The following COL24A1 variants were observed in gnomAD, a reference collection of about 807,000 sequenced individuals.
COL24A1 encodes the protein collagen type XXIV alpha 1 chain.
COL24A1 carries 224 observed loss-of-function variants against 253.9 expected under a neutral mutation model. That is an observed-to-expected ratio of 0.88 (90% CI 0.79 to 0.99). The LOEUF (loss-of-function observed/expected upper bound fraction) is 0.99. Among genes scored for constraint, COL24A1 ranks in the 50% least tolerant of loss-of-function variants. The pLI, the probability that COL24A1 is intolerant of heterozygous loss-of-function variation, is 0.00. For synonymous variants in COL24A1, 685 were observed against 673.7 expected (o/e 1.02, Z -0.26); for missense variants, 2,131 against 2,068.5 (o/e 1.03, Z -0.59).
chr1:85,796,906 A>G (rs1017968885), intron 47 of COL24A1, among the ~76,000 whole-genome samples: 1 of 152,110 alleles, frequency 6.6e-6, no homozygotes, highest in African/African-American at 2.4e-5. Flanking sequence ...TATGCAAAGA[A>G]CATTCAATTC....
intron 10 of COL24A1, among the ~76,000 whole-genome samples, chr1:86,050,534 G>A (rs1237257447): frequency 1.3e-5 from 2 of 152,066 alleles, no homozygotes; most frequent in Non-Finnish European, 2.9e-5. Context: ...GTACAGTGGA[G>A]GAAGAGATAC....
intron 51 of COL24A1, among the ~76,000 whole-genome samples, chr1:85,783,191 G>A (rs540504637): frequency 9.2e-5 from 14 of 152,098 alleles, no homozygotes; most frequent in African/African-American, 1.9e-4. Context: ...TGCTTATAAC[G>A]TGAAATTGCT....
chr1:85,955,036 C>T (rs965420977), intron 24 of COL24A1, among the ~76,000 whole-genome samples: 1 of 152,186 alleles, frequency 6.6e-6, no homozygotes. Flanking sequence ...GAGGGCTCCA[C>T]CCTCAGGCCT....
At chr1:86,134,133 G>A (rs1297082475) in intron 2 of COL24A1, among the ~76,000 whole-genome samples, 4 of 152,106 alleles carry the variant, frequency 2.6e-5, no homozygotes, top group African/African-American at 9.6e-5. Context: ...TAGTTTATAT[G>A]GGTAGAGGTG....
intron 53 of COL24A1, among the ~76,000 whole-genome samples, chr1:85,775,083 T>C (rs1000082988): frequency 3.3e-5 from 5 of 152,240 alleles, no homozygotes; most frequent in Admixed American, 6.5e-5. Context: ...TTTGTTCTCA[T>C]TGGTTTCAAA....
chr1:86,089,341 C>T lies in COL24A1; in HGVS notation c.1654-114G>A. The T allele has an allele frequency of 6.2e-6, 5 of 809,198 alleles. No homozygotes were observed. In the African/African-American group the frequency reaches 7.2e-5, roughly 12 times the overall value. 50.1% of individuals were successfully genotyped at this position (809,198 alleles called of 1,614,324 possible). A position where few individuals can be genotyped will look rare whatever the true frequency, so the allele number is the denominator to read the frequency against. On this transcript the variant is annotated intron_variant, in intron 6 of 59. Transcript: ENST00000370571. ...CATCAGCTCTTATTACAATCATTTC[C>T]AATCTTCACAATCTTTGAGCCTGTT...
chr1:85,815,880 A>G (rs1672999643), intron 47 of COL24A1, among the ~76,000 whole-genome samples: 1 of 152,232 alleles, frequency 6.6e-6, no homozygotes, highest in Admixed American at 6.5e-5. Context: ...TTAGGGAAGG[A>G]AAGCGGGAAA....
intron 47 of COL24A1, among the ~76,000 whole-genome samples, chr1:85,811,649 T>A (rs1672553482): frequency 6.6e-6 from 1 of 152,226 alleles, no homozygotes; most frequent in African/African-American, 2.4e-5. Context: ...TATAATAGCA[T>A]CCTAACATGT....
At chr1:86,042,438 G>T (rs1030398512) in intron 12 of COL24A1, among the ~76,000 whole-genome samples, 2 of 151,832 alleles carry the variant, frequency 1.3e-5, no homozygotes, top group South Asian at 4.2e-4. Context: ...TGGGAAAAAA[G>T]AATTTTCTGG....
At chr1:86,114,357 T>C (rs768442747) in intron 4 of COL24A1, among the ~76,000 whole-genome samples, 5 of 152,214 alleles carry the variant, frequency 3.3e-5, no homozygotes, top group Non-Finnish European at 7.3e-5. Context: ...AACCTGAAGT[T>C]CATGCTGTTG....
intron 19 of COL24A1, among the ~76,000 whole-genome samples, chr1:86,011,803 C>A (rs679256): frequency 0.18 from 27,645 of 152,140 alleles, 3,195 homozygotes; most frequent in African/African-American, 0.32. Context: ...GTTCTGACTT[C>A]TTTTGTGATC....
chr1:85,941,103 TG>T (rs1346549241), intron 24 of COL24A1, among the ~76,000 whole-genome samples: 3 of 152,322 alleles, frequency 2.0e-5, no homozygotes, highest in East Asian at 1.9e-4. Context: ...GCAAAACATC[TG>T]AATTGCAAAC....
At chr1:85,889,523 G>C (rs1239284081) in intron 32 of COL24A1, 37 bp downstream of exon 32, 1 of 1,557,454 alleles carries the variant, frequency 6.4e-7, no homozygotes. Flanking sequence ...TATTTTATGA[G>C]AAAGACACAA....
At chr1:85,874,758 T>G in intron 34 of COL24A1, 56 bp from the exon 35 acceptor site, 1 of 1,569,406 alleles carries the variant, frequency 6.4e-7, no homozygotes, top group Admixed American at 1.7e-5. Flanking sequence ...CATGGCTAAT[T>G]ATGGAGGGCA....
intron 19 of COL24A1, among the ~76,000 whole-genome samples, chr1:86,004,517 A>C (rs1170644642): frequency 3.9e-5 from 6 of 152,228 alleles, no homozygotes. Flanking sequence ...GTTAAAAGAA[A>C]ATAATGTGAA....
intron 19 of COL24A1, among the ~76,000 whole-genome samples, chr1:85,997,267 A>G (rs1694920809): frequency 6.6e-6 from 1 of 151,714 alleles, no homozygotes; most frequent in African/African-American, 2.4e-5. Flanking sequence ...GGCACGTTTA[A>G]AACTGTATAA....
At chr1:86,106,055 G>T (rs1431796107) in intron 5 of COL24A1, among the ~76,000 whole-genome samples, 1 of 152,030 alleles carries the variant, frequency 6.6e-6, no homozygotes, top group African/African-American at 2.4e-5. Context: ...CAGTCATCTT[G>T]CCCAGCTCCC....
In COL24A1 at chr1:85,977,172, G is replaced by C. The variant is rs1007150152; in HGVS notation, c.2365-5779C>G. ...GAAGCCCCATTCCTAGAAGAAGGGG[G>C]AGAGCACCACATCAAGGGATCACCC... On this transcript the variant is annotated intron_variant, in intron 20 of 59. Transcript: ENST00000370571. 3.9e-5 allele frequency among the ~76,000 whole-genome samples: 6 copies of C among 152,310 alleles called. No homozygotes were observed. In the South Asian group the frequency reaches 6.2e-4, roughly 16 times the overall value.
intron 24 of COL24A1, among the ~76,000 whole-genome samples, chr1:85,933,194 A>C (rs935239123): frequency 1.3e-5 from 2 of 152,156 alleles, no homozygotes; most frequent in Admixed American, 6.5e-5. Flanking sequence ...GTTGGCAGCA[A>C]AAATGAGGAG....
Sources: gnomAD v4.1 joint callset for allele counts (sites outside exome capture counted in the v4.1 genomes callset) on GRCh38, gnomAD v4.1.1 for gene constraint, MANE v1.5 for transcripts, NCBI Gene and HGNC (gene_info 2026-07-23, HGNC 2026-07-21) for gene names.